The following CTNNA3 variants were observed in gnomAD, a reference collection of about 807,000 sequenced individuals.
The protein encoded by CTNNA3 is catenin alpha-3.
In CTNNA3, 76 loss-of-function variants were observed where a neutral mutation model predicts 95.7. The ratio of observed to expected loss-of-function variants is 0.79; its 90% CI spans 0.66 to 0.96. The LOEUF is 0.96. CTNNA3 is among the 40% of genes least tolerant of loss of function. The pLI, the probability that CTNNA3 is intolerant of heterozygous loss-of-function variation, is 0.00. For missense variants in CTNNA3, 1,191 were observed against 1,089.8 expected (o/e 1.09, Z -1.31); for synonymous variants, 431 against 374.4 (o/e 1.15, Z -1.74).
intron 13 of CTNNA3, among the ~76,000 whole-genome samples, chr10:66,234,059 G>A (rs182261933): frequency 6.6e-6 from 1 of 152,076 alleles, no homozygotes; most frequent in African/African-American, 2.4e-5. Context: ...ATTAATTTGT[G>A]GTGATAGGGA....
At chr10:66,996,836 T>C (rs1370257226) in intron 7 of CTNNA3, among the ~76,000 whole-genome samples, 1 of 152,052 alleles carries the variant, frequency 6.6e-6, no homozygotes, top group Non-Finnish European at 1.5e-5. Context: ...TTAAACACAG[T>C]AATTCTAAAC....
Position 67,061,978 on chromosome 10 carries a change from A to G in CTNNA3, c.1047+118339T>C, listed in dbSNP as rs150571788. On this transcript the variant is annotated intron_variant, in intron 7 of 17. Transcript: ENST00000433211. The stretch of plus-strand genomic sequence containing the variant: ...AAAAAATCAATCTTAGGAAATAGCC[A>G]CCCACACATTTTTCAACCTACTTCC... Among the ~76,000 whole-genome samples the G allele has an allele frequency of 2.0e-3, 302 of 152,274 alleles. 3 individuals are homozygous for G. Among genetic ancestry groups the G allele is most frequent in the Middle Eastern group, 0.01 (3 of 294 alleles).
intron 7 of CTNNA3, among the ~76,000 whole-genome samples, chr10:67,011,929 T>G (rs907050097): frequency 1.3e-5 from 2 of 152,100 alleles, no homozygotes; most frequent in Admixed American, 1.3e-4. Flanking sequence ...TGAAACCCAC[T>G]ATGGAGCCCC....
At chr10:66,195,429 A>G (rs570839163) in intron 13 of CTNNA3, among the ~76,000 whole-genome samples, 1 of 152,330 alleles carries the variant, frequency 6.6e-6, no homozygotes, top group South Asian at 2.1e-4. Flanking sequence ...GGATAATGTA[A>G]ATAATATTAA....
chr10:66,298,304 T>C (rs1377554888), intron 12 of CTNNA3, among the ~76,000 whole-genome samples: 1 of 152,194 alleles, frequency 6.6e-6, no homozygotes, highest in African/African-American at 2.4e-5. Context: ...CATTTGGAAG[T>C]AATAAAGTTA....
intron 5 of CTNNA3, among the ~76,000 whole-genome samples, chr10:67,245,003 T>C (rs1380414965): frequency 6.6e-6 from 1 of 152,208 alleles, no homozygotes; most frequent in Non-Finnish European, 1.5e-5. Flanking sequence ...CAGTTTTACC[T>C]TCATTTATGA....
rs530729734 is a variant in CTNNA3 at position 66,395,725 on chromosome 10, C to T, written c.1532-16373G>A. ...CATTCTGTAACCTCTGAACAAGATCCCAATTTCACCAGCATCAGTAATTGT... is the reference window on the plus strand; with the variant it reads ...CATTCTGTAACCTCTGAACAAGATCTCAATTTCACCAGCATCAGTAATTGT... On this transcript the variant is annotated intron_variant, in intron 11 of 17. Coordinates refer to ENST00000433211, the MANE Select transcript of CTNNA3 (RefSeq NM_013266.4). Among the ~76,000 whole-genome samples the T allele has an allele frequency of 2.6e-5, 4 of 152,080 alleles. No individual in the cohort carries two copies. In the East Asian group the frequency reaches 7.7e-4, roughly 29 times the overall value.
intron 13 of CTNNA3, among the ~76,000 whole-genome samples, chr10:66,199,692 C>T (rs1316467157): frequency 7.0e-6 from 1 of 142,330 alleles, no homozygotes; most frequent in Non-Finnish European, 1.5e-5. Context: ...ACCTTCGCCT[C>T]CCGGGTTCAA....
chr10:67,672,716 G>A (rs949813063), intron 1 of CTNNA3, among the ~76,000 whole-genome samples: 3 of 151,964 alleles, frequency 2.0e-5, no homozygotes, highest in African/African-American at 7.3e-5. Context: ...TCCATTGGTC[G>A]ATATCTCTGT....
chr10:66,336,576 C>A (rs1337095090), intron 12 of CTNNA3, among the ~76,000 whole-genome samples: 1 of 152,082 alleles, frequency 6.6e-6, no homozygotes, highest in East Asian at 1.9e-4. Flanking sequence ...CAGTGGCCCA[C>A]AATAGTCTTT....
At chr10:66,227,727 C>T (rs1298340922) in intron 13 of CTNNA3, among the ~76,000 whole-genome samples, 4 of 151,922 alleles carry the variant, frequency 2.6e-5, no homozygotes, top group Non-Finnish European at 5.9e-5. Context: ...TACTTTTTTG[C>T]AAAATTGTGA....
chr10:67,746,102 C>T (rs1448322355), intron 1 of CTNNA3, among the ~76,000 whole-genome samples: 4 of 152,006 alleles, frequency 2.6e-5, no homozygotes, highest in African/African-American at 9.7e-5. Context: ...AACACAAAGG[C>T]CCCAAATAGC....
chr10:67,304,216 C>G (rs2132506612), intron 5 of CTNNA3, among the ~76,000 whole-genome samples: 1 of 152,324 alleles, frequency 6.6e-6, no homozygotes, highest in South Asian at 2.1e-4. Flanking sequence ...TTCTATTATA[C>G]AATGCTTGTA....
intron 6 of CTNNA3, among the ~76,000 whole-genome samples, chr10:67,216,862 T>C (rs1395054064): frequency 6.6e-6 from 1 of 152,186 alleles, no homozygotes; most frequent in Non-Finnish European, 1.5e-5. Flanking sequence ...TTCATAACAT[T>C]TTCAAAATTC....
chr10:67,470,135 T>C (rs1847763451), intron 5 of CTNNA3, among the ~76,000 whole-genome samples: 1 of 152,190 alleles, frequency 6.6e-6, no homozygotes, highest in African/African-American at 2.4e-5. Flanking sequence ...GTTCTCTTGC[T>C]CTCTATCTTC....
At chr10:66,185,920 TCACA>T (rs776561418) in intron 13 of CTNNA3, among the ~76,000 whole-genome samples, 1 of 151,796 alleles carries the variant, frequency 6.6e-6, no homozygotes, top group African/African-American at 2.4e-5. Context: ...CTCTCTCTCA[TCACA>T]CACTCTCTCT....
chr10:67,408,243 T>C (rs569175125), intron 5 of CTNNA3, among the ~76,000 whole-genome samples: 4 of 152,312 alleles, frequency 2.6e-5, no homozygotes, highest in African/African-American at 9.6e-5. Flanking sequence ...TAAAATATTT[T>C]AAAATCAATA....
intron 7 of CTNNA3, among the ~76,000 whole-genome samples, chr10:67,124,250 T>C (rs1165122118): frequency 6.6e-6 from 1 of 152,082 alleles, no homozygotes; most frequent in South Asian, 2.1e-4. Flanking sequence ...AGCTGTTACT[T>C]ATACTTAATT....
chr10:66,529,445 T>TG (rs1554812160), intron 10 of CTNNA3, among the ~76,000 whole-genome samples: 3,739 of 72,854 alleles, frequency 0.051, 86 homozygotes, highest in South Asian at 0.14. Flanking sequence ...CAGTGTTTTT[T>TG]TTTTGTTTTT....
Sources: allele counts gnomAD v4.1 joint callset (sites outside exome capture counted in the v4.1 genomes callset), GRCh38; gene constraint gnomAD v4.1.1; transcripts MANE v1.5; gene names NCBI Gene and HGNC (gene_info 2026-07-23, HGNC 2026-07-21).